Variants in PSG2 observed in about 807,000 individuals in gnomAD.
PSG2 encodes the protein pregnancy-specific beta-1-glycoprotein 2.
A neutral mutation model predicts 36.2 loss-of-function variants in PSG2; 49 were observed. The ratio of observed to expected loss-of-function variants is 1.35; its 90% CI spans 1.08 to 1.72. The LOEUF (loss-of-function observed/expected upper bound fraction) is 1.72. Ranked by LOEUF, PSG2 falls within the 40% of genes most tolerant of loss-of-function variation. The pLI is 0.00. For missense variants in PSG2, 605 were observed against 407.2 expected, an observed-to-expected ratio of 1.49 and a Z score of -4.18; for synonymous variants, 261 against 155.6, an observed-to-expected ratio of 1.68 and a Z score of -5.04.
At position 43,080,875 on chromosome 19, in the gene PSG2, A is replaced by T; in HGVS notation, c.430+6T>A. The T allele has an allele frequency of 6.2e-7, 1 of 1,611,982 alleles. No homozygotes were observed. The highest frequency in any genetic ancestry group is 8.5e-7 in the Non-Finnish European group (1 of 1,179,090). On this transcript the variant is annotated splice_donor_region_variant and intron_variant, in intron 2 of 5. Transcript: ENST00000406487. ...CAACACCCAGGGATCATGTGGAATC[A>T]CTTACGGTATAAGGTGAAGGTGAAA...
At chr19:43,082,429 C>A (rs1242216483) in intron 1 of PSG2, 77 bp downstream of exon 1, 5 of 1,577,454 alleles carry the variant, frequency 3.2e-6, no homozygotes, top group Admixed American at 1.7e-5. Flanking sequence ...TTTTTTAGAA[C>A]CCCATCCTCT....
intron 2 of PSG2, among the ~76,000 whole-genome samples, chr19:43,078,577 C>T (rs530831547): frequency 2.8e-4 from 42 of 151,746 alleles, no homozygotes; most frequent in Non-Finnish European, 5.1e-4. Context: ...CCAGCACAAA[C>T]TGATCATTTC....
chr19:43,072,039 C>T, intron 3 of PSG2, 85 bp from the exon 4 acceptor site: 1 of 1,528,024 alleles, frequency 6.5e-7, no homozygotes, highest in Non-Finnish European at 8.9e-7. Flanking sequence ...CAGTGACCCT[C>T]TGAGACAAGA....
chr19:43,071,722 T>G lies in PSG2; in HGVS notation c.942A>C (p.Thr314=). 6.2e-7 allele frequency: 1 copy of G among 1,612,712 alleles called. No homozygotes were observed. The highest frequency in any genetic ancestry group is 8.5e-7 in the Non-Finnish European group (1 of 1,179,398). Residue 314 remains threonine, a synonymous_variant, in exon 4 of 6, where the codon ACA becomes ACC. Transcript: ENST00000406487. ...RNSATGEESS[T]SLTVKVSAST... is the part of the protein sequence containing the mutation. ...TACCAGAGACTTTGACTGTCAACGA[T>G]GTGGAGCTTTCCTCGCCAGTGGCTG...
chr19:43,081,020 T>A lies in PSG2; in HGVS notation c.291A>T (p.Gly97=). 1 of 1,613,096 alleles carries A rather than the reference T, an allele frequency of 6.2e-7. No individual in the cohort carries two copies. The highest frequency in any genetic ancestry group is 1.3e-5 in the African/African-American group (1 of 74,472). Residue 97 remains glycine, a synonymous_variant, in exon 2 of 6, where the codon GGA becomes GGT. Transcript: ENST00000406487. The part of the protein sequence containing the change: ...QIIIYGPAYS[G]RETAYSNASL... Reference sequence around the variant, plus strand: ...ATGCATTGGAATATGCTGTTTCTCGTCCACTATATGCAGGCCCATATATAA... The same window carrying A: ...ATGCATTGGAATATGCTGTTTCTCGACCACTATATGCAGGCCCATATATAA...
At chr19:43,078,429 T>A (rs1967927097) in intron 2 of PSG2, among the ~76,000 whole-genome samples, 1 of 151,738 alleles carries the variant, frequency 6.6e-6, no homozygotes, top group Admixed American at 6.6e-5. Flanking sequence ...ATCCTATAGA[T>A]AACATCACTA....
chr19:43,064,748 A>G (rs1967717063), intron 5 of PSG2, 147 bp from the exon 6 acceptor site: 1 of 318,704 alleles, frequency 3.1e-6, no homozygotes, highest in African/African-American at 2.2e-5. Flanking sequence ...CAGCTCACAT[A>G]GAAATCTAGT....
At chr19:43,071,402 C>A (rs1568512261) in intron 4 of PSG2, among the ~76,000 whole-genome samples, 1 of 151,654 alleles carries the variant, frequency 6.6e-6, no homozygotes, top group Admixed American at 6.6e-5. Flanking sequence ...GCAACTTGAT[C>A]TTGAGGACAC....
At chr19:43,072,100 C>A in intron 3 of PSG2, 146 bp from the exon 4 acceptor site, 1 of 1,388,140 alleles carries the variant, frequency 7.2e-7, no homozygotes, top group Non-Finnish European at 9.8e-7. Flanking sequence ...GAGCCGAACC[C>A]TGAAGTATTC....
At chr19:43,070,566 ATAT>A (rs1193671226) in intron 4 of PSG2, among the ~76,000 whole-genome samples, 1 of 151,782 alleles carries the variant, frequency 6.6e-6, no homozygotes, top group African/African-American at 2.4e-5. Context: ...AACCTTGAAG[ATAT>A]TATGCTAACT....
chr19:43,081,495 G>A (rs921439413), intron 1 of PSG2, among the ~76,000 whole-genome samples: 1 of 151,296 alleles, frequency 6.6e-6, no homozygotes, highest in Admixed American at 6.6e-5. Context: ...TTCACCACTT[G>A]TGACCTTGGC....
intron 3 of PSG2, among the ~76,000 whole-genome samples, chr19:43,074,118 C>A (rs573972427): frequency 6.6e-6 from 1 of 151,622 alleles, no homozygotes; most frequent in Admixed American, 6.6e-5. Context: ...TCTGTGTCAT[C>A]AGAACTTTCC....
At chr19:43,077,587 C>A (rs967246215) in intron 2 of PSG2, among the ~76,000 whole-genome samples, 4 of 151,648 alleles carry the variant, frequency 2.6e-5, no homozygotes, top group Admixed American at 2.6e-4. Context: ...ATGAAAACGG[C>A]ATCATCATGA....
chr19:43,067,027 C>T (rs1306517722), intron 4 of PSG2, among the ~76,000 whole-genome samples: 2 of 151,406 alleles, frequency 1.3e-5, no homozygotes, highest in Non-Finnish European at 2.9e-5. Context: ...TTCAAATTCA[C>T]CACCTCTTGT....
At chr19:43,075,912 G>T (rs1051464475) in intron 2 of PSG2, among the ~76,000 whole-genome samples, 2 of 151,512 alleles carry the variant, frequency 1.3e-5, no homozygotes, top group African/African-American at 2.4e-5. Context: ...ACAGCCCCTG[G>T]TGCCTCTCTG....
chr19:43,073,424 G>T (rs1216181240), intron 3 of PSG2, among the ~76,000 whole-genome samples: 3 of 151,772 alleles, frequency 2.0e-5, no homozygotes, highest in Non-Finnish European at 4.4e-5. Context: ...GATCTTTCCA[G>T]AAATACATGC....
chr19:43,072,834 C>T (rs999084634), intron 3 of PSG2, among the ~76,000 whole-genome samples: 1 of 151,766 alleles, frequency 6.6e-6, no homozygotes, highest in Non-Finnish European at 1.5e-5. Context: ...TAGGAAAGCA[C>T]AGACTTTCTG....
At chr19:43,077,723 A>G (rs1967917275) in intron 2 of PSG2, among the ~76,000 whole-genome samples, 1 of 151,772 alleles carries the variant, frequency 6.6e-6, no homozygotes, top group Non-Finnish European at 1.5e-5. Context: ...TATTTGTCCC[A>G]CAACTACATA....
At chr19:43,065,400 A>C (rs1480846418) in intron 5 of PSG2, 1 of 151,496 alleles carries the variant, frequency 6.6e-6, no homozygotes, top group East Asian at 1.9e-4. Flanking sequence ...ATTTAGTTTT[A>C]AGTTCTACCT....
Sources: gnomAD v4.1 joint callset for allele counts (sites outside exome capture counted in the v4.1 genomes callset) on GRCh38, gnomAD v4.1.1 for gene constraint, MANE v1.5 for transcripts, NCBI Gene and HGNC (gene_info 2026-07-23, HGNC 2026-07-21) for gene names.